KCNMA1: variants seen among roughly 807,000 people sequenced by gnomAD.
KCNMA1 encodes the protein Calcium-activated potassium channel subunit alpha-1.
Under a neutral mutation model 140.0 loss-of-function variants are expected in KCNMA1, and 29 were observed. The ratio of observed to expected loss-of-function variants is 0.21; its 90% CI spans 0.15 to 0.28. KCNMA1 has a LOEUF of 0.28. KCNMA1 is among the 10% of genes least tolerant of loss of function. The pLI is 1.00. For synonymous variants in KCNMA1, 612 were observed against 611.9 expected (o/e 1.00, Z 0.00); for missense variants, 880 against 1,602.2 (o/e 0.55, Z 7.70).
chr10:77,202,727 G>A (rs949816791), intron 3 of KCNMA1, among the ~76,000 whole-genome samples: 17 of 152,160 alleles, frequency 1.1e-4, no homozygotes, highest in African/African-American at 4.1e-4. Context: ...GAGTATAGGA[G>A]TATTTACAGC....
chr10:77,356,489 A>G (rs1249180090), intron 2 of KCNMA1, among the ~76,000 whole-genome samples: 1 of 152,200 alleles, frequency 6.6e-6, no homozygotes, highest in Non-Finnish European at 1.5e-5. Flanking sequence ...TGCCTTCTAG[A>G]TCAGGTCTGT....
At chr10:76,917,317 C>T (rs1029321741) in intron 23 of KCNMA1, among the ~76,000 whole-genome samples, 6 of 152,100 alleles carry the variant, frequency 3.9e-5, no homozygotes, top group African/African-American at 7.2e-5. Context: ...TGAGAAAATA[C>T]GGGTTTGTAC....
chr10:77,250,925 G>T, intron 3 of KCNMA1: 1 of 445,358 alleles, frequency 2.2e-6, no homozygotes, highest in Non-Finnish European at 4.1e-6. Flanking sequence ...ACATCATTAG[G>T]AAACAGCTCT....
At chr10:77,451,797 T>G (rs1213526354) in intron 1 of KCNMA1, among the ~76,000 whole-genome samples, 1 of 152,156 alleles carries the variant, frequency 6.6e-6, no homozygotes, top group East Asian at 1.9e-4. Context: ...GCCTGGATGT[T>G]TTTTCTCCCC....
intron 2 of KCNMA1, among the ~76,000 whole-genome samples, chr10:77,311,892 A>T (rs1432504968): frequency 2.6e-5 from 4 of 152,220 alleles, no homozygotes; most frequent in Non-Finnish European, 5.9e-5. Flanking sequence ...GATCTATCCC[A>T]TGCTTTCCTA....
chr10:77,634,398 G>A, intron 1 of KCNMA1: 1 of 985,454 alleles, frequency 1.0e-6, no homozygotes, highest in Non-Finnish European at 1.2e-6. Flanking sequence ...CACTGTTTGA[G>A]ATTCAGAGGC....
intron 1 of KCNMA1, among the ~76,000 whole-genome samples, chr10:77,594,972 C>T (rs2080365129): frequency 6.6e-6 from 1 of 152,170 alleles, no homozygotes; most frequent in Non-Finnish European, 1.5e-5. Context: ...AGCTAGGCCA[C>T]CTGGACTAGC....
chr10:77,033,496 C>T (rs2094099943), intron 15 of KCNMA1, among the ~76,000 whole-genome samples: 1 of 151,880 alleles, frequency 6.6e-6, no homozygotes, highest in South Asian at 2.1e-4. Flanking sequence ...CACTAGCACA[C>T]CTAAGACACT....
At chr10:76,972,859 T>C (rs190284507) in intron 19 of KCNMA1, among the ~76,000 whole-genome samples, 199 of 152,338 alleles carry the variant, frequency 1.3e-3, no homozygotes, top group African/African-American at 4.3e-3. Context: ...AACTTCTTTC[T>C]CATAAGTAGG....
intron 2 of KCNMA1, among the ~76,000 whole-genome samples, chr10:77,315,303 G>A (rs886923495): frequency 6.6e-6 from 1 of 152,180 alleles, no homozygotes; most frequent in Non-Finnish European, 1.5e-5. Context: ...ACAGTTTCCT[G>A]CCTGTCTCTT....
At chr10:77,427,864 T>C (rs1038490306) in intron 1 of KCNMA1, among the ~76,000 whole-genome samples, 8 of 152,010 alleles carry the variant, frequency 5.3e-5, no homozygotes, top group African/African-American at 1.4e-4. Context: ...GCAATTCTCC[T>C]GCCTCAGCTT....
rs780661063 is a variant in KCNMA1 at position 76,953,862 on chromosome 10, T to G, written c.2423A>C (p.Lys808Thr). Residue 808 changes from lysine to threonine, a missense_variant, in exon 21 of 28, where the codon AAG becomes ACG. Transcript: ENST00000286628. ...GTGAAACATCCCAGTAGAGTCGTAC[T>G]TCTTCACATTGGAGTCCATGTTGTC... is the stretch of plus-strand genomic sequence containing the variant. ...QIDNMDSNVK[K>T]YDSTGMFHWC... is the part of the protein sequence containing the mutation. 6.2e-7 allele frequency: 1 copy of G among 1,614,096 alleles called. No homozygotes were observed. Among genetic ancestry groups the G allele is most frequent in the Non-Finnish European group, 8.5e-7 (1 of 1,179,940 alleles).
chr10:77,066,758 G>A (rs2095968658), intron 14 of KCNMA1, among the ~76,000 whole-genome samples: 1 of 152,120 alleles, frequency 6.6e-6, no homozygotes, highest in Admixed American at 6.5e-5. Context: ...ATTGTCCATG[G>A]GTAATAGAGT....
chr10:77,624,661 T>C (rs1211019641), intron 1 of KCNMA1, among the ~76,000 whole-genome samples: 1 of 152,164 alleles, frequency 6.6e-6, no homozygotes, highest in African/African-American at 2.4e-5. Context: ...ATTGAAATCA[T>C]GAAATCAGAG....
At chr10:77,329,524 T>C (rs1361330268) in intron 2 of KCNMA1, among the ~76,000 whole-genome samples, 1 of 152,182 alleles carries the variant, frequency 6.6e-6, no homozygotes, top group Non-Finnish European at 1.5e-5. Flanking sequence ...AGCACCTTGA[T>C]CTTGGATTGC....
At chr10:77,569,489 G>A (rs902811699) in intron 1 of KCNMA1, among the ~76,000 whole-genome samples, 122 of 148,384 alleles carry the variant, frequency 8.2e-4, no homozygotes, top group African/African-American at 2.9e-3. Flanking sequence ...ATGGGGAAAC[G>A]ATTCCCTATT....
chr10:76,920,010 GTGTGTGTGTGTA>G (rs1461035145), intron 23 of KCNMA1, among the ~76,000 whole-genome samples: 13 of 54,812 alleles, frequency 2.4e-4, no homozygotes, highest in African/African-American at 1.3e-3. Flanking sequence ...GTGTGTGTGT[GTGTGTGTGTGTA>G]TATATATATA....
chr10:76,884,835 A>G, downstream of KCNMA1: 1 of 1,178,922 alleles, frequency 8.5e-7, no homozygotes, highest in South Asian at 2.1e-5. Flanking sequence ...TAAAACCACA[A>G]ACAGAACAAT....
At chr10:77,052,923 CA>C (rs1287445146) in intron 14 of KCNMA1, among the ~76,000 whole-genome samples, 1 of 152,214 alleles carries the variant, frequency 6.6e-6, no homozygotes, top group Non-Finnish European at 1.5e-5. Context: ...AAAACCGTAT[CA>C]AAGTATTCCC....
Sources: gnomAD v4.1 joint callset for allele counts (sites outside exome capture counted in the v4.1 genomes callset) on GRCh38, gnomAD v4.1.1 for gene constraint, MANE v1.5 for transcripts, NCBI Gene and HGNC (gene_info 2026-07-23, HGNC 2026-07-21) for gene names.